The following MICAL2 variants were observed in gnomAD, a reference collection of about 807,000 sequenced individuals.
MICAL2 encodes the protein [F-actin]-monooxygenase MICAL2.
MICAL2 carries 77 observed loss-of-function variants against 127.3 expected under a neutral mutation model. The observed-to-expected ratio is 0.60, with a 90% confidence interval of 0.50 to 0.73. MICAL2 has a LOEUF of 0.73. Ranked by LOEUF, MICAL2 falls within the 30% of genes least tolerant of loss-of-function variation. MICAL2 has a pLI of 0.00. For missense variants in MICAL2, 1,351 were observed against 1,434.4 expected, an observed-to-expected ratio of 0.94 and a Z score of 0.94; for synonymous variants, 570 against 551.1, an observed-to-expected ratio of 1.03 and a Z score of -0.48.
intron 29 of MICAL2, among the ~76,000 whole-genome samples, chr11:12,317,136 A>G (rs1016759205): frequency 3.9e-5 from 6 of 152,130 alleles, no homozygotes; most frequent in African/African-American, 1.4e-4. Flanking sequence ...TTCTTTTCAT[A>G]GCTCCCTCTT....
At chr11:12,319,771 C>T (rs1425457021) in exon 30 of MICAL2, 1 of 1,614,102 alleles carries the variant, frequency 6.2e-7, no homozygotes, top group South Asian at 1.1e-5. Context: ...TCCTCCTCTG[C>T]AGATGAAGAA....
chr11:12,342,794 A>G (rs963326657), intron 32 of MICAL2, among the ~76,000 whole-genome samples: 3 of 152,202 alleles, frequency 2.0e-5, no homozygotes, highest in Non-Finnish European at 4.4e-5. Flanking sequence ...CCAAAGTCAC[A>G]TGTTTGTAAG....
intron 29 of MICAL2, among the ~76,000 whole-genome samples, chr11:12,311,116 A>G (rs1026314464): frequency 2.2e-4 from 34 of 152,162 alleles, no homozygotes; most frequent in African/African-American, 8.0e-4. Context: ...ATACAAAATC[A>G]TGTCATCTGC....
At chr11:12,123,568 G>C (rs1452151941) in intron 1 of MICAL2, among the ~76,000 whole-genome samples, 1 of 152,180 alleles carries the variant, frequency 6.6e-6, no homozygotes, top group Admixed American at 6.5e-5. Context: ...TGGTTGTTCA[G>C]ATATGCCACC....
In MICAL2 at chr11:12,168,885, G is replaced by A. The variant is rs181095921; in HGVS notation, c.264+6466G>A. On this transcript the variant is annotated intron_variant, in intron 3 of 27. Coordinates refer to ENST00000683283, the MANE Select transcript of MICAL2 (RefSeq NM_001282663.2). ...TCGCTTGAGCCCAGGAGGTCAAGGC[G>A]GCAGTGAGCTATGATTGCACCAGAG... Among the ~76,000 whole-genome samples the A allele has an allele frequency of 1.8e-3, 264 of 146,802 alleles. 2 individuals carry two copies. The highest frequency in any genetic ancestry group is 2.6e-3 in the Non-Finnish European group (174 of 67,298).
In MICAL2 at chr11:12,351,934, G is replaced by A. The variant is rs143797985; in HGVS notation, c.5615+1997G>A. On this transcript the variant is annotated intron_variant, in intron 33 of 34. Coordinates refer to the MICAL2 transcript ENST00000646065. ...GCCTCCCAAGAAGCTGGGACTACAG[G>A]TGCACACCACACCCAGCTAATTTTT... is the stretch of plus-strand genomic sequence containing the variant. 6.5e-3 allele frequency among the ~76,000 whole-genome samples: 989 copies of A among 152,032 alleles called. 11 individuals are homozygous for A. The highest frequency in any genetic ancestry group is 0.023 in the African/African-American group (942 of 41,452).
chr11:12,312,440 T>C (rs1864184899), intron 29 of MICAL2, among the ~76,000 whole-genome samples: 1 of 152,144 alleles, frequency 6.6e-6, no homozygotes, highest in Non-Finnish European at 1.5e-5. Context: ...GACACACTTT[T>C]ATCATCAGTC....
intron 2 of MICAL2, among the ~76,000 whole-genome samples, chr11:12,142,177 T>C (rs112905911): frequency 6.6e-6 from 1 of 152,204 alleles, no homozygotes; most frequent in African/African-American, 2.4e-5. Context: ...CTTGAATGTC[T>C]AAGGTGTTAG....
intron 9 of MICAL2, among the ~76,000 whole-genome samples, chr11:12,221,199 C>T (rs1327423550): frequency 7.2e-5 from 11 of 152,192 alleles, no homozygotes; most frequent in Non-Finnish European, 1.6e-4. Flanking sequence ...CTCCCCTCCT[C>T]CCATGCTCCA....
intron 2 of MICAL2, among the ~76,000 whole-genome samples, chr11:12,141,405 A>T (rs1852338058): frequency 6.6e-6 from 1 of 152,102 alleles, no homozygotes; most frequent in Non-Finnish European, 1.5e-5. Flanking sequence ...TGTCCTTGTG[A>T]TTAGCACTGT....
At chr11:12,351,951 C>G (rs1939057612) in intron 33 of MICAL2, among the ~76,000 whole-genome samples, 1 of 151,986 alleles carries the variant, frequency 6.6e-6, no homozygotes. Context: ...CCACACCCAG[C>G]TAATTTTTGT....
intron 26 of MICAL2, chr11:12,261,684 G>A: frequency 1.0e-6 from 1 of 985,446 alleles, no homozygotes. Context: ...TTTCTATGGG[G>A]CGGGAAGAAG....
chr11:12,319,247 G>A (rs144356080), intron 29 of MICAL2, among the ~76,000 whole-genome samples: 233 of 152,214 alleles, frequency 1.5e-3, no homozygotes, highest in African/African-American at 5.2e-3. Context: ...GCAGAAGGGC[G>A]ATTTGTTTAA....
chr11:12,240,945 C>T (rs1859837988), intron 17 of MICAL2, 95 bp from the exon 18 acceptor site: 1 of 1,465,600 alleles, frequency 6.8e-7, no homozygotes, highest in Non-Finnish European at 9.3e-7. Flanking sequence ...TCTCCCTGCT[C>T]CTCTTCTCTT....
intron 6 of MICAL2, among the ~76,000 whole-genome samples, chr11:12,210,901 GC>G (rs1344762877): frequency 6.6e-6 from 1 of 152,122 alleles, no homozygotes; most frequent in African/African-American, 2.4e-5. Context: ...CTGGCCTCTG[GC>G]CCCCCAGACA....
intron 1 of MICAL2, among the ~76,000 whole-genome samples, chr11:12,114,669 G>C (rs890447391): frequency 6.6e-6 from 1 of 152,202 alleles, no homozygotes; most frequent in Non-Finnish European, 1.5e-5. Flanking sequence ...CAGGAAATGT[G>C]CTTTGAATTG....
intron 25 of MICAL2, among the ~76,000 whole-genome samples, chr11:12,258,863 A>G (rs74570010): frequency 0.042 from 6,360 of 152,322 alleles, 309 homozygotes; most frequent in African/African-American, 0.11. Flanking sequence ...CAAAAGCCAC[A>G]TGGCCCTCTG....
At chr11:12,157,356 C>G (rs1473420900) in intron 2 of MICAL2, among the ~76,000 whole-genome samples, 1 of 152,062 alleles carries the variant, frequency 6.6e-6, no homozygotes, top group South Asian at 2.1e-4. Context: ...TGGGCTTAGC[C>G]CATTACCAAT....
chr11:12,339,013 T>C (rs981180462), intron 32 of MICAL2, among the ~76,000 whole-genome samples: 17 of 152,222 alleles, frequency 1.1e-4, no homozygotes, highest in Non-Finnish European at 4.4e-5. Context: ...CCTTGCTAGA[T>C]TGGGGAAGTT....
Sources: gnomAD v4.1 joint callset for allele counts (sites outside exome capture counted in the v4.1 genomes callset) on GRCh38, gnomAD v4.1.1 for gene constraint, MANE v1.5 for transcripts, NCBI Gene and HGNC (gene_info 2026-07-23, HGNC 2026-07-21) for gene names.